The following SEC24B variants were observed in gnomAD, a reference collection of about 807,000 sequenced individuals.
SEC24B encodes protein transport protein Sec24B.
A neutral mutation model predicts 142.8 loss-of-function variants in SEC24B; 45 were observed. The ratio of observed to expected loss-of-function variants is 0.32; its 90% confidence interval spans 0.25 to 0.40. The LOEUF is 0.40. Among genes scored for constraint, SEC24B ranks in the 10% least tolerant of loss-of-function variants. SEC24B has a pLI of 1.00. For missense variants in SEC24B, 1,409 were observed against 1,526.8 expected (o/e 0.92, Z 1.29); for synonymous variants, 574 against 568.2 (o/e 1.01, Z -0.15).
intron 6 of SEC24B, among the ~76,000 whole-genome samples, chr4:109,502,272 G>A (rs959651952): frequency 2.0e-5 from 3 of 152,208 alleles, no homozygotes; most frequent in African/African-American, 7.2e-5. Context: ...ACAGTCAGAA[G>A]CTTAGATTTT....
At chr4:109,434,078 C>T in intron 1 of SEC24B, 76 bp downstream of exon 1, 1 of 952,992 alleles carries the variant, frequency 1.0e-6, no homozygotes, top group South Asian at 4.9e-5. Context: ...CGGGGCGGGG[C>T]GGGCCGGGCC....
At chr4:109,441,016 G>T (rs904575509) in intron 1 of SEC24B, among the ~76,000 whole-genome samples, 4 of 152,122 alleles carry the variant, frequency 2.6e-5, no homozygotes, top group Non-Finnish European at 5.9e-5. Context: ...ATCTATTTTA[G>T]CTAGTTTGCT....
chr4:109,509,678 GAA>G (rs1020221678), intron 7 of SEC24B, among the ~76,000 whole-genome samples: 2,561 of 46,392 alleles, frequency 0.055, 58 homozygotes, highest in South Asian at 0.17. Flanking sequence ...CTCCATCTCA[GAA>G]AAAAAAAAAA....
chr4:109,449,609 A>G lies in SEC24B; in HGVS notation c.134-13292A>G, dbSNP rs371799846. ...GGTCATATTCTAATGAGGGCCCTCT[A>G]TCCACCTTGTCACTGTGTGCTCACA... On this transcript the variant is annotated intron_variant, in intron 1 of 23. Coordinates refer to ENST00000265175, the MANE Select transcript of SEC24B (RefSeq NM_006323.5). 1.6e-4 allele frequency: 69 copies of G among 434,262 alleles called. No individual in the cohort carries two copies. The East Asian group carries it at 2.1e-3, about 13-fold the overall frequency. The allele number at this position is 434,262 out of a possible 1,614,324, so 26.9% of individuals were successfully genotyped here.
chr4:109,521,507 G>A lies in SEC24B; in HGVS notation c.2389G>A (p.Ala797Thr). 1.2e-6 allele frequency: 2 copies of A among 1,614,138 alleles called. No individual in the cohort carries two copies. Among genetic ancestry groups the A allele is most frequent in the Non-Finnish European group, 1.7e-6 (2 of 1,180,002 alleles). ...TGCCCTTGGTCCTGCACTTCAGGCT[G>A]CCTTTAAATTAATGTCTCCAACAGG... ...HSALGPALQA[A>T]FKLMSPTGGR... The change falls in exon 14 of 24, where the codon GCC becomes ACC. Residue 797 changes from alanine to threonine, a missense_variant. Coordinates refer to ENST00000265175, the MANE Select transcript of SEC24B (RefSeq NM_006323.5).
At chr4:109,536,826 G>A (rs1579017838) in intron 22 of SEC24B, among the ~76,000 whole-genome samples, 1 of 151,838 alleles carries the variant, frequency 6.6e-6, no homozygotes, top group Non-Finnish European at 1.5e-5. Context: ...ACTGCGCCTG[G>A]CCAAATTTTT....
Position 109,521,466 on chromosome 4 carries a change from C to T in SEC24B, c.2348C>T (p.Thr783Ile). 6.2e-7 allele frequency: 1 copy of T among 1,614,102 alleles called. No individual in the cohort carries two copies. Among genetic ancestry groups the T allele is most frequent in the Middle Eastern group, 1.7e-4 (1 of 6,034 alleles). ...LNALPNMFTN[T>I]RETHSALGPA... is the part of the protein sequence containing the mutation. ...GCATTACCAAACATGTTCACCAATA[C>T]AAGAGAAACACACAGTGCCCTTGGT... Residue 783 changes from threonine (T) to isoleucine (I), a missense_variant, in exon 14 of 24, where the codon ACA (threonine) becomes ATA (isoleucine). Thr to Ile is a moderately conservative substitution (Grantham distance 89, BLOSUM62 -1). Around this residue, in one of 2 missense-constraint regions of SEC24B, gnomAD observed 700 missense variants for 853.3 expected, o/e 0.82. Coordinates refer to ENST00000265175, the MANE Select transcript of SEC24B (RefSeq NM_006323.5).
At chr4:109,535,851 C>G (rs1455297109) in intron 22 of SEC24B, among the ~76,000 whole-genome samples, 1 of 150,200 alleles carries the variant, frequency 6.7e-6, no homozygotes, top group Admixed American at 6.6e-5. Flanking sequence ...GACTCCGTCT[C>G]AAAAAAAAAG....
At chr4:109,451,740 C>T (rs1730113491) in intron 1 of SEC24B, among the ~76,000 whole-genome samples, 1 of 152,132 alleles carries the variant, frequency 6.6e-6, no homozygotes, top group Admixed American at 6.5e-5. Flanking sequence ...TGTGTCACTG[C>T]TTCAGGCTCT....
At chr4:109,521,915 A>C (rs920872665) in intron 14 of SEC24B, among the ~76,000 whole-genome samples, 13 of 151,694 alleles carry the variant, frequency 8.6e-5, no homozygotes, top group Admixed American at 4.6e-4. Flanking sequence ...TATTTTTAGT[A>C]GAGACGGGGG....
chr4:109,521,652 T>C, intron 14 of SEC24B, 26 bp downstream of exon 14: 1 of 1,458,994 alleles, frequency 6.9e-7, no homozygotes, highest in South Asian at 1.2e-5. Flanking sequence ...TTTTTTGTCA[T>C]ATTCAAGATT....
intron 1 of SEC24B, among the ~76,000 whole-genome samples, chr4:109,437,699 A>T (rs1186415656): frequency 1.3e-5 from 2 of 152,136 alleles, no homozygotes; most frequent in East Asian, 3.9e-4. Flanking sequence ...ATCTCAGCTC[A>T]CTGCAACCTC....
chr4:109,475,133 G>A (rs1732972402), intron 3 of SEC24B, among the ~76,000 whole-genome samples: 1 of 152,070 alleles, frequency 6.6e-6, no homozygotes, highest in South Asian at 2.1e-4. Context: ...ACTAACTCTT[G>A]GTTTACCTAA....
At chr4:109,470,548 C>T (rs369740204) in intron 2 of SEC24B, among the ~76,000 whole-genome samples, 4 of 152,268 alleles carry the variant, frequency 2.6e-5, no homozygotes, top group East Asian at 3.9e-4. Context: ...CTGAGGGATT[C>T]GATATCCCTT....
chr4:109,520,174 G>A (rs1039703811), intron 11 of SEC24B, among the ~76,000 whole-genome samples, 192 bp from the exon 12 acceptor site: 1 of 152,028 alleles, frequency 6.6e-6, no homozygotes, highest in African/African-American at 2.4e-5. Flanking sequence ...TTCTAATATT[G>A]GAACTGGAAG....
intron 2 of SEC24B, among the ~76,000 whole-genome samples, chr4:109,464,295 T>C (rs1731628812): frequency 1.5e-5 from 2 of 135,886 alleles, no homozygotes; most frequent in South Asian, 2.3e-4. Flanking sequence ...TGGCTTGCCC[T>C]TTTTTTTTTT....
intron 1 of SEC24B, among the ~76,000 whole-genome samples, chr4:109,446,571 A>G (rs945347618): frequency 6.6e-6 from 1 of 152,252 alleles, no homozygotes; most frequent in Admixed American, 6.5e-5. Context: ...GTGAAGATAA[A>G]TAGTGGCAGT....
chr4:109,496,550 C>T (rs1735564040), intron 6 of SEC24B, among the ~76,000 whole-genome samples: 1 of 152,136 alleles, frequency 6.6e-6, no homozygotes, highest in South Asian at 2.1e-4. Context: ...GTGGCTTACT[C>T]ATGTAGTTCT....
intron 1 of SEC24B, among the ~76,000 whole-genome samples, chr4:109,440,258 C>A (rs1728821062): frequency 6.6e-6 from 1 of 152,172 alleles, no homozygotes; most frequent in Non-Finnish European, 1.5e-5. Flanking sequence ...TCCTCTCCCC[C>A]CAAGTTTCTG....
Sources: gnomAD v4.1 joint callset for allele counts (sites outside exome capture counted in the v4.1 genomes callset) on GRCh38, gnomAD v4.1.1 for gene constraint, gnomAD v4.1.1 regional missense constraint, MANE v1.5 for transcripts, NCBI Gene and HGNC (gene_info 2026-07-23, HGNC 2026-07-21) for gene names.